Variants in PKP4 observed in about 807,000 individuals in gnomAD.
PKP4 encodes the protein plakophilin-4.
Under a neutral mutation model 145.1 loss-of-function variants are expected in PKP4, and 90 were observed. The ratio of observed to expected loss-of-function variants is 0.62; its 90% CI spans 0.52 to 0.74. The LOEUF (loss-of-function observed/expected upper bound fraction) is 0.74, where lower values mean the gene tolerates loss of function less well. PKP4 is among the 30% of genes least tolerant of loss of function. The pLI is 0.00. For synonymous variants in PKP4, 563 were observed against 577.2 expected (o/e 0.98, Z 0.35); for missense variants, 1,340 against 1,482.7 (o/e 0.90, Z 1.58).
At chr2:158,466,578 G>A (rs1027981912) in intron 1 of PKP4, among the ~76,000 whole-genome samples, 5 of 151,776 alleles carry the variant, frequency 3.3e-5, no homozygotes, top group Non-Finnish European at 7.4e-5. Context: ...GGTGGCGGGC[G>A]CCTGTAGTCC....
intron 4 of PKP4, among the ~76,000 whole-genome samples, chr2:158,610,664 G>T (rs1282179846): frequency 6.6e-6 from 1 of 152,110 alleles, no homozygotes; most frequent in Non-Finnish European, 1.5e-5. Context: ...AGGTCCCCCA[G>T]TCACATTCCA....
intron 16 of PKP4, among the ~76,000 whole-genome samples, chr2:158,666,887 C>G (rs769332598): frequency 1.2e-4 from 19 of 152,206 alleles, no homozygotes; most frequent in Non-Finnish European, 2.4e-4. Context: ...ATCTTAATCT[C>G]CCTTTCCAAT....
At chr2:158,526,805 A>T (rs62182708) in intron 1 of PKP4, among the ~76,000 whole-genome samples, 1 of 50,724 alleles carries the variant, frequency 2.0e-5, no homozygotes, top group Non-Finnish European at 3.8e-5. Context: ...TACAAAATCA[A>T]TTTACAAAAA....
At chr2:158,470,004 A>G (rs919412751) in intron 1 of PKP4, among the ~76,000 whole-genome samples, 3 of 151,688 alleles carry the variant, frequency 2.0e-5, no homozygotes, top group South Asian at 2.1e-4. Context: ...CCAGATTTCA[A>G]CCTTCCCACC....
chr2:158,479,118 C>T (rs1692948802), intron 1 of PKP4, among the ~76,000 whole-genome samples: 2 of 152,094 alleles, frequency 1.3e-5, no homozygotes, highest in South Asian at 4.1e-4. Context: ...GTAGGAGTTA[C>T]CTAAGTAGTA....
At chr2:158,500,972 T>C (rs142014769) in intron 1 of PKP4, among the ~76,000 whole-genome samples, 5 of 152,260 alleles carry the variant, frequency 3.3e-5, no homozygotes, top group Non-Finnish European at 5.9e-5. Context: ...GCCGTTCTTA[T>C]AGAGCAGTTA....
intron 11 of PKP4, among the ~76,000 whole-genome samples, chr2:158,646,415 T>C (rs1050976216): frequency 5.3e-5 from 8 of 152,246 alleles, no homozygotes; most frequent in African/African-American, 1.9e-4. Flanking sequence ...ATGGCAGCTG[T>C]GTTTGATTTA....
intron 2 of PKP4, among the ~76,000 whole-genome samples, chr2:158,544,708 C>G (rs892136137): frequency 2.0e-5 from 3 of 152,172 alleles, no homozygotes; most frequent in African/African-American, 7.2e-5. Flanking sequence ...TCTCTTCAAC[C>G]TGGTAAATGC....
chr2:158,572,884 ACT>A (rs1447261336), intron 2 of PKP4, among the ~76,000 whole-genome samples: 1 of 152,214 alleles, frequency 6.6e-6, no homozygotes, highest in Non-Finnish European at 1.5e-5. Flanking sequence ...AGAAGCTGAA[ACT>A]CTCATTTATT....
intron 11 of PKP4, among the ~76,000 whole-genome samples, chr2:158,646,839 C>T (rs547830523): frequency 6.6e-6 from 1 of 152,240 alleles, no homozygotes; most frequent in Non-Finnish European, 1.5e-5. Context: ...ACCCACAGCA[C>T]AGGAAGCTCA....
At chr2:158,468,520 A>G (rs1447119911) in intron 1 of PKP4, among the ~76,000 whole-genome samples, 1 of 152,146 alleles carries the variant, frequency 6.6e-6, no homozygotes, top group Non-Finnish European at 1.5e-5. Context: ...TTAAAATGTA[A>G]TCATGAATGT....
intron 1 of PKP4, among the ~76,000 whole-genome samples, chr2:158,483,809 AATT>A (rs1693729136): frequency 6.6e-6 from 1 of 151,978 alleles, no homozygotes; most frequent in Non-Finnish European, 1.5e-5. Context: ...GTGTAGATAA[AATT>A]AGGAGATTAA....
chr2:158,677,810 G>A (rs1303297698), intron 20 of PKP4, among the ~76,000 whole-genome samples: 1 of 152,186 alleles, frequency 6.6e-6, no homozygotes, highest in African/African-American at 2.4e-5. Flanking sequence ...GTGCATGGTT[G>A]CTTCCGATTT....
chr2:158,610,620 G>GT (rs1246307088), intron 4 of PKP4, among the ~76,000 whole-genome samples: 1 of 152,084 alleles, frequency 6.6e-6, no homozygotes, highest in Non-Finnish European at 1.5e-5. Context: ...ATGGATTGAA[G>GT]TTTTTTTGTC....
chr2:158,563,330 C>T (rs1332112213), intron 2 of PKP4, among the ~76,000 whole-genome samples: 1 of 152,094 alleles, frequency 6.6e-6, no homozygotes, highest in African/African-American at 2.4e-5. Context: ...GAAAAGTAAG[C>T]CACCCTACAG....
chr2:158,666,374 T>G, intron 15 of PKP4, 39 bp from the exon 16 acceptor site: 2 of 1,505,378 alleles, frequency 1.3e-6, no homozygotes, highest in Non-Finnish European at 1.8e-6. Context: ...AGACTGGAAC[T>G]CTGTTTTATG....
At chr2:158,655,254 C>T (rs2055799214) in intron 11 of PKP4, among the ~76,000 whole-genome samples, 1 of 152,180 alleles carries the variant, frequency 6.6e-6, no homozygotes, top group Non-Finnish European at 1.5e-5. Context: ...TGACATACAA[C>T]TCCATCAGTC....
chr2:158,670,360 G>T (rs553035232), intron 17 of PKP4, among the ~76,000 whole-genome samples: 1 of 152,212 alleles, frequency 6.6e-6, no homozygotes, highest in African/African-American at 2.4e-5. Context: ...AGGAGGGAGA[G>T]GTCTCAGGCC....
At chr2:158,568,595 A>G (rs562821348) in intron 2 of PKP4, among the ~76,000 whole-genome samples, 1 of 152,146 alleles carries the variant, frequency 6.6e-6, no homozygotes, top group Non-Finnish European at 1.5e-5. Flanking sequence ...GGACATTACC[A>G]CTGTACATGG....
Sources: gnomAD v4.1 joint callset for allele counts (sites outside exome capture counted in the v4.1 genomes callset) on GRCh38, gnomAD v4.1.1 for gene constraint, MANE v1.5 for transcripts, NCBI Gene and HGNC (gene_info 2026-07-23, HGNC 2026-07-21) for gene names.